LRRC4C: variants seen among roughly 807,000 people sequenced by gnomAD.
LRRC4C encodes the protein leucine rich repeat containing 4C, also known as leucine-rich repeat-containing protein 4C.
LRRC4C carries 5 observed loss-of-function variants against 33.6 expected under a neutral mutation model. The observed-to-expected ratio is 0.15, with a 90% CI of 0.08 to 0.31. The LOEUF is 0.31. Among genes scored for constraint, LRRC4C ranks in the 10% least tolerant of loss-of-function variants. LRRC4C has a pLI of 1.00. For synonymous variants in LRRC4C, 329 were observed against 302.0 expected (o/e 1.09, Z -0.93); for missense variants, 560 against 796.7 (o/e 0.70, Z 3.58).
chr11:41,023,258 A>T (rs1856110560), intron 1 of LRRC4C, among the ~76,000 whole-genome samples: 1 of 151,812 alleles, frequency 6.6e-6, no homozygotes, highest in Non-Finnish European at 1.5e-5. Flanking sequence ...AAACCCTCCT[A>T]ACATAAGACA....
At chr11:40,444,872 A>G (rs894476552) in intron 3 of LRRC4C, among the ~76,000 whole-genome samples, 3 of 152,220 alleles carry the variant, frequency 2.0e-5, no homozygotes, top group African/African-American at 7.2e-5. Flanking sequence ...CTGATGCTTC[A>G]AAAGATTAGG....
intron 5 of LRRC4C, among the ~76,000 whole-genome samples, chr11:40,234,911 C>T (rs1865452438): frequency 1.3e-5 from 2 of 152,152 alleles, no homozygotes; most frequent in Admixed American, 6.5e-5. Flanking sequence ...TGCCCAATGC[C>T]CTATAGGTAG....
intron 1 of LRRC4C, among the ~76,000 whole-genome samples, chr11:40,988,176 C>T (rs895069744): frequency 6.6e-6 from 1 of 152,150 alleles, no homozygotes; most frequent in Non-Finnish European, 1.5e-5. Flanking sequence ...GGCTCCCCAG[C>T]AACAATTATG....
chr11:40,269,046 G>C (rs1246543638), intron 4 of LRRC4C, among the ~76,000 whole-genome samples: 2 of 152,168 alleles, frequency 1.3e-5, no homozygotes, highest in African/African-American at 2.4e-5. Flanking sequence ...CTGTGTTTTA[G>C]ATAGAACCTT....
At chr11:40,316,246 G>C (rs1253614651) in intron 4 of LRRC4C, among the ~76,000 whole-genome samples, 1 of 151,930 alleles carries the variant, frequency 6.6e-6, no homozygotes, top group Non-Finnish European at 1.5e-5. Flanking sequence ...TTATAGATAT[G>C]TTTTCAGAAA....
intron 6 of LRRC4C, among the ~76,000 whole-genome samples, chr11:40,140,338 C>A (rs187863424): frequency 2.0e-5 from 3 of 152,052 alleles, no homozygotes; most frequent in Non-Finnish European, 2.9e-5. Flanking sequence ...TATGTGTATG[C>A]GATGGTTTGC....
chr11:41,459,128 C>A (rs1466208961), intron 1 of LRRC4C, among the ~76,000 whole-genome samples: 1 of 152,024 alleles, frequency 6.6e-6, no homozygotes, highest in African/African-American at 2.4e-5. Flanking sequence ...GAGAGTATTG[C>A]AAGGCAGGAG....
chr11:41,096,307 T>C (rs1305590292), intron 1 of LRRC4C, among the ~76,000 whole-genome samples: 1 of 152,182 alleles, frequency 6.6e-6, no homozygotes, highest in African/African-American at 2.4e-5. Flanking sequence ...TCAAACACCA[T>C]TAAACTTTAA....
chr11:40,563,826 T>C (rs1319038136), intron 3 of LRRC4C, among the ~76,000 whole-genome samples: 7 of 152,178 alleles, frequency 4.6e-5, no homozygotes, highest in Non-Finnish European at 1.0e-4. Flanking sequence ...CTCTTTCAAA[T>C]AGTACTTTCC....
intron 1 of LRRC4C, among the ~76,000 whole-genome samples, chr11:41,290,038 A>G (rs1283537700): frequency 6.6e-6 from 1 of 152,216 alleles, no homozygotes; most frequent in African/African-American, 2.4e-5. Flanking sequence ...GTAGGTGTCT[A>G]GTGATACACT....
intron 2 of LRRC4C, among the ~76,000 whole-genome samples, chr11:40,697,498 G>A (rs1216593585): frequency 6.6e-6 from 1 of 152,110 alleles, no homozygotes; most frequent in Non-Finnish European, 1.5e-5. Flanking sequence ...ACTAAAAGAA[G>A]CAAGACAGGA....
intron 5 of LRRC4C, among the ~76,000 whole-genome samples, chr11:40,176,648 C>T (rs1397935084): frequency 2.0e-5 from 3 of 151,692 alleles, no homozygotes; most frequent in African/African-American, 7.3e-5. Flanking sequence ...TCAAGCAATC[C>T]TCCAGCCTCA....
At chr11:40,904,888 G>T (rs1956351897) in intron 2 of LRRC4C, among the ~76,000 whole-genome samples, 1 of 152,100 alleles carries the variant, frequency 6.6e-6, no homozygotes, top group Non-Finnish European at 1.5e-5. Flanking sequence ...CTTAAAAGTC[G>T]ATGTTCAAAG....
intron 1 of LRRC4C, among the ~76,000 whole-genome samples, chr11:41,000,167 T>A (rs1702137015): frequency 6.6e-6 from 1 of 152,198 alleles, no homozygotes; most frequent in African/African-American, 2.4e-5. Context: ...AACAACAGAT[T>A]ATTTCATTAC....
chr11:40,376,108 A>C (rs1948649887), intron 3 of LRRC4C, among the ~76,000 whole-genome samples: 1 of 152,184 alleles, frequency 6.6e-6, no homozygotes, highest in African/African-American at 2.4e-5. Flanking sequence ...AAGAAGAAAT[A>C]TAATATGAGT....
At chr11:40,233,244 A>G (rs1865330673) in intron 5 of LRRC4C, among the ~76,000 whole-genome samples, 1 of 152,210 alleles carries the variant, frequency 6.6e-6, no homozygotes, top group South Asian at 2.1e-4. Flanking sequence ...TGTGTCCTAC[A>G]TGAGTGGGGT....
chr11:40,252,929 TAA>T lies in LRRC4C; in HGVS notation c.-175-11333_-175-11332del, dbSNP rs1866902632. 2.0e-5 allele frequency among the ~76,000 whole-genome samples: 3 copies of T among 152,322 alleles called. No individual in the cohort carries two copies. The South Asian group carries it at 6.2e-4, about 32-fold the overall frequency. On this transcript the variant is annotated intron_variant, in intron 4 of 6. Coordinates refer to ENST00000528697, the MANE Select transcript of LRRC4C (RefSeq NM_001258419.2). Reference sequence around the variant, plus strand: ...GACTTTAGGCTCACTTTCCCAGACCTAAAGTCTCTCCCCATTACAAAATAAAA... The same window carrying T: ...GACTTTAGGCTCACTTTCCCAGACCTAGTCTCTCCCCATTACAAAATAAAA...
At chr11:41,170,014 G>T (rs1944901597) in intron 1 of LRRC4C, among the ~76,000 whole-genome samples, 1 of 152,024 alleles carries the variant, frequency 6.6e-6, no homozygotes, top group South Asian at 2.1e-4. Context: ...GGGTATAATT[G>T]TTGAAACAAT....
chr11:40,668,809 C>T lies in LRRC4C; in HGVS notation c.-406-20531G>A, dbSNP rs1022662263. 3.9e-5 allele frequency among the ~76,000 whole-genome samples: 6 copies of T among 152,228 alleles called. No individual in the cohort carries two copies. In the East Asian group the frequency reaches 5.8e-4, roughly 15 times the overall value. The stretch of plus-strand genomic sequence containing the variant: ...CCTCCATTCACTTCTGATTTATATT[C>T]GTCCCAAAGCCAAGGTACTGTGGAG... On this transcript the variant is annotated intron_variant, in intron 2 of 6. Coordinates refer to ENST00000528697, the MANE Select transcript of LRRC4C (RefSeq NM_001258419.2).
Sources: allele counts gnomAD v4.1 joint callset (sites outside exome capture counted in the v4.1 genomes callset), GRCh38; gene constraint gnomAD v4.1.1; transcripts MANE v1.5; gene names NCBI Gene and HGNC (gene_info 2026-07-23, HGNC 2026-07-21).